Variants in SOX6 observed in about 807,000 individuals in gnomAD.
The protein encoded by SOX6 is SRY-box transcription factor 6, also known as transcription factor SOX-6.
SOX6 carries 11 observed loss-of-function variants against 97.8 expected under a neutral mutation model. That is an observed-to-expected ratio of 0.11 (90% confidence interval 0.07 to 0.19). SOX6 has a LOEUF of 0.19. Ranked by LOEUF, SOX6 falls within the 10% of genes least tolerant of loss-of-function variation. The pLI is 1.00. For synonymous variants in SOX6, 360 were observed against 371.4 expected (o/e 0.97, Z 0.35); for missense variants, 810 against 1,039.5 (o/e 0.78, Z 3.04).
chr11:16,468,769 T>C (rs1860087468), intron 1 of SOX6, among the ~76,000 whole-genome samples: 1 of 152,198 alleles, frequency 6.6e-6, no homozygotes, highest in Admixed American at 6.5e-5. Flanking sequence ...TGTTTGAAAT[T>C]AGCGAAGATG....
At chr11:16,153,715 A>G (rs1329791992) in intron 6 of SOX6, among the ~76,000 whole-genome samples, 2 of 152,116 alleles carry the variant, frequency 1.3e-5, no homozygotes, top group African/African-American at 2.4e-5. Flanking sequence ...TCCAGTTGCC[A>G]CTTCTGCCGA....
chr11:16,551,328 A>G (rs1389152273), intron 4 of SOX6, among the ~76,000 whole-genome samples: 1 of 152,152 alleles, frequency 6.6e-6, no homozygotes, highest in Non-Finnish European at 1.5e-5. Context: ...CAGCCCAGGC[A>G]ACAGAGTGAG....
intron 4 of SOX6, among the ~76,000 whole-genome samples, chr11:16,208,186 C>A (rs938432411): frequency 6.6e-6 from 1 of 152,112 alleles, no homozygotes; most frequent in African/African-American, 2.4e-5. Flanking sequence ...ACATTTAATT[C>A]TATGGGAAGA....
At chr11:16,477,977 G>A (rs1289947004), upstream of SOX6, among the ~76,000 whole-genome samples, 3 of 152,196 alleles carry the variant, frequency 2.0e-5, no homozygotes, top group African/African-American at 7.2e-5. Context: ...ATCTGGGAGA[G>A]TAATTTTATC....
chr11:16,677,606 G>T (rs1847894500), intron 3 of SOX6, among the ~76,000 whole-genome samples: 1 of 152,096 alleles, frequency 6.6e-6, no homozygotes, highest in South Asian at 2.1e-4. Context: ...TACATATTTG[G>T]ATTTGTTAGA....
chr11:16,062,219 T>C (rs1047859452), intron 9 of SOX6, among the ~76,000 whole-genome samples: 3 of 151,602 alleles, frequency 2.0e-5, no homozygotes, highest in African/African-American at 7.2e-5. Flanking sequence ...GTCTAGTTAT[T>C]AACACAGATA....
chr11:16,209,199 AT>A (rs1174304146), intron 4 of SOX6, among the ~76,000 whole-genome samples: 1 of 152,220 alleles, frequency 6.6e-6, no homozygotes, highest in African/African-American at 2.4e-5. Flanking sequence ...TTTTAAACAA[AT>A]TAGTATTTTA....
intron 1 of SOX6, among the ~76,000 whole-genome samples, chr11:16,431,575 A>C (rs545409453): frequency 1.3e-5 from 2 of 152,172 alleles, no homozygotes; most frequent in African/African-American, 4.8e-5. Context: ...AACAAATTAA[A>C]ATATTCCAAT....
chr11:16,157,798 C>T (rs1382057308), intron 6 of SOX6, among the ~76,000 whole-genome samples: 1 of 152,044 alleles, frequency 6.6e-6, no homozygotes, highest in Non-Finnish European at 1.5e-5. Flanking sequence ...TTCTTCATCT[C>T]TATGAATCTT....
At chr11:16,315,570 T>C (rs755389088) in intron 3 of SOX6, 2 of 152,180 alleles carry the variant, frequency 1.3e-5, no homozygotes, top group Non-Finnish European at 2.9e-5. Flanking sequence ...ACAATAGAGA[T>C]TGCTGCATAT....
intron 3 of SOX6, among the ~76,000 whole-genome samples, chr11:16,272,997 A>G (rs1854300994): frequency 6.6e-6 from 1 of 151,950 alleles, no homozygotes; most frequent in Non-Finnish European, 1.5e-5. Flanking sequence ...TGAAAATGTT[A>G]GATAGATGTA....
intron 6 of SOX6, among the ~76,000 whole-genome samples, chr11:16,165,820 C>A (rs1850873373): frequency 6.6e-6 from 1 of 151,752 alleles, no homozygotes; most frequent in African/African-American, 2.4e-5. Flanking sequence ...ATCGCTTGAA[C>A]CTGGGAGGTG....
At chr11:16,033,383 G>A (rs1855433478) in intron 12 of SOX6, among the ~76,000 whole-genome samples, 1 of 152,254 alleles carries the variant, frequency 6.6e-6, no homozygotes, top group South Asian at 2.1e-4. Flanking sequence ...TAATACACAT[G>A]TTGTTGATCA....
intron 13 of SOX6, among the ~76,000 whole-genome samples, chr11:16,014,033 C>T (rs76937906): frequency 0.094 from 14,285 of 151,976 alleles, 1,385 homozygotes; most frequent in East Asian, 0.36. Flanking sequence ...CATGTTACTC[C>T]GAAGAGAACA....
intron 4 of SOX6, among the ~76,000 whole-genome samples, chr11:16,588,261 A>G (rs532895701): frequency 6.6e-6 from 1 of 152,210 alleles, no homozygotes; most frequent in Non-Finnish European, 1.5e-5. Context: ...TCAGAGCTCA[A>G]ACCTCTTTGG....
intron 3 of SOX6, among the ~76,000 whole-genome samples, chr11:16,707,489 T>C (rs1848146269): frequency 6.6e-6 from 1 of 152,192 alleles, no homozygotes; most frequent in South Asian, 2.1e-4. Flanking sequence ...GTGGATATAA[T>C]TGTACCTTAG....
intron 6 of SOX6, among the ~76,000 whole-genome samples, chr11:16,157,250 C>T (rs780619934): frequency 1.6e-4 from 24 of 151,988 alleles, no homozygotes; most frequent in African/African-American, 2.2e-4. Context: ...TTTTGGATTA[C>T]TTCAATAGTA....
At chr11:16,214,415 C>G (rs1363964400) in intron 4 of SOX6, among the ~76,000 whole-genome samples, 3 of 152,138 alleles carry the variant, frequency 2.0e-5, no homozygotes, top group Non-Finnish European at 2.9e-5. Context: ...GCATCTTATA[C>G]GCTGACTCAT....
Position 16,260,033 on chromosome 11 carries a change from G to A in SOX6, c.446-25362C>T, listed in dbSNP as rs545704304. On this transcript the variant is annotated intron_variant, in intron 3 of 15. Transcript: ENST00000683767. ...TGTATTTATTTTTAGACGGAGTCTC[G>A]CTGTCATCCAGCTTGGAGTGCAGTG... is the stretch of plus-strand genomic sequence containing the variant. Among the ~76,000 whole-genome samples, 4 of 148,340 alleles carry A rather than the reference G, an allele frequency of 2.7e-5. No homozygotes were observed. In the South Asian group the frequency reaches 8.8e-4, roughly 33 times the overall value.
Sources: gnomAD v4.1 joint callset for allele counts (sites outside exome capture counted in the v4.1 genomes callset) on GRCh38, gnomAD v4.1.1 for gene constraint, MANE v1.5 for transcripts, NCBI Gene and HGNC (gene_info 2026-07-23, HGNC 2026-07-21) for gene names.